Variants in DYNC1I2 observed in about 807,000 individuals in gnomAD.
DYNC1I2 encodes cytoplasmic dynein 1 intermediate chain 2.
Under a neutral mutation model 88.6 loss-of-function variants are expected in DYNC1I2, and 53 were observed. The observed-to-expected ratio is 0.60, with a 90% CI of 0.48 to 0.75. DYNC1I2 has a LOEUF of 0.75. Ranked by LOEUF, DYNC1I2 falls within the 30% of genes least tolerant of loss-of-function variation. DYNC1I2 has a pLI of 0.00. For missense variants in DYNC1I2, 458 were observed against 766.6 expected, an observed-to-expected ratio of 0.60 and a Z score of 4.75; for synonymous variants, 198 against 254.6, an observed-to-expected ratio of 0.78 and a Z score of 2.12.
chr2:171,726,775 T>C lies in DYNC1I2; in HGVS notation c.871-16T>C, dbSNP rs766928194. On this transcript the variant is annotated splice_polypyrimidine_tract_variant and intron_variant, in intron 10 of 17. Coordinates refer to ENST00000397119, the MANE Select transcript of DYNC1I2 (RefSeq NM_001378.3). The stretch of plus-strand genomic sequence containing the variant: ...TTATGCATAGCATTTCTTTTCTTCT[T>C]GATTCTTCTGAGCAGTATCCGGAGT... The C allele has an allele frequency of 1.2e-6, 2 of 1,610,784 alleles. No homozygotes were observed. The highest frequency in any genetic ancestry group is 1.1e-5 in the South Asian group (1 of 90,506).
At chr2:171,709,858 C>T (rs1016676783) in intron 5 of DYNC1I2, among the ~76,000 whole-genome samples, 2 of 152,100 alleles carry the variant, frequency 1.3e-5, no homozygotes, top group Admixed American at 6.5e-5. Context: ...ACTGGGATTA[C>T]AAGCATGCAC....
At chr2:171,720,932 A>G (rs1687856617) in intron 7 of DYNC1I2, among the ~76,000 whole-genome samples, 1 of 152,038 alleles carries the variant, frequency 6.6e-6, no homozygotes, top group Admixed American at 6.6e-5. Context: ...TGATGAAATC[A>G]CAGATAACAA....
chr2:171,706,916 TA>T (rs1397879419), intron 4 of DYNC1I2: 88 of 409,416 alleles, frequency 2.1e-4, no homozygotes, highest in East Asian at 2.3e-4. Flanking sequence ...ATAATATTTA[TA>T]ATCTGGTGAT....
At chr2:171,740,558 T>C (rs1298255641) in intron 15 of DYNC1I2, among the ~76,000 whole-genome samples, 7 of 152,186 alleles carry the variant, frequency 4.6e-5, no homozygotes, top group Non-Finnish European at 1.0e-4. Flanking sequence ...CCCTTTTCTT[T>C]AGAGGGTCAG....
At position 171,696,513 on chromosome 2, in the gene DYNC1I2, T is replaced by C. The variant is rs182271576; in HGVS notation, c.226+3619T>C. ...TGGTCTTTTTTAAAAAGAAATTGTTTCCTACATTGTGGATGCAAATATATT... is the reference window on the plus strand; with the variant it reads ...TGGTCTTTTTTAAAAAGAAATTGTTCCCTACATTGTGGATGCAAATATATT... On this transcript the variant is annotated intron_variant, in intron 3 of 17. Transcript: ENST00000397119. Among the ~76,000 whole-genome samples, 356 of 152,320 alleles carry C rather than the reference T, an allele frequency of 2.3e-3. 3 individuals carry two copies. Among genetic ancestry groups the C allele is most frequent in the Admixed American group, 7.7e-3 (118 of 15,298 alleles).
At chr2:171,700,148 GT>G (rs1178610605) in intron 3 of DYNC1I2, among the ~76,000 whole-genome samples, 1 of 152,098 alleles carries the variant, frequency 6.6e-6, no homozygotes, top group Non-Finnish European at 1.5e-5. Context: ...TTTCATGGTG[GT>G]TCGTTCACAT....
intron 15 of DYNC1I2, among the ~76,000 whole-genome samples, chr2:171,733,768 G>T (rs13429562): frequency 1.2e-3 from 93 of 77,430 alleles, no homozygotes; most frequent in African/African-American, 2.4e-3. Flanking sequence ...GGGTTTTTTT[G>T]TTTTTGTTTT....
At position 171,747,997 on chromosome 2, in the gene DYNC1I2, G is replaced by A. The variant is rs371723195; in HGVS notation, c.*108G>A. Reference sequence around the variant, plus strand: ...ATGATAATTAAAAGGAAATTTCATGGATTAAACCATGGGTTTAATGCAGCA... The same window carrying A: ...ATGATAATTAAAAGGAAATTTCATGAATTAAACCATGGGTTTAATGCAGCA... On this transcript the variant is annotated 3_prime_UTR_variant, in exon 18 of 18. Transcript: ENST00000397119. 1.1e-5 allele frequency: 8 copies of A among 727,886 alleles called. No homozygotes were observed. The highest frequency in any genetic ancestry group is 4.9e-5 in the South Asian group (2 of 40,790). 45.1% of individuals were successfully genotyped at this position (727,886 alleles called of 1,614,324 possible).
At chr2:171,694,378 C>T (rs57214996) in intron 3 of DYNC1I2, among the ~76,000 whole-genome samples, 17 of 152,228 alleles carry the variant, frequency 1.1e-4, no homozygotes, top group African/African-American at 4.1e-4. Context: ...AAAGAGGTGG[C>T]TGGGTGGGGT....
At chr2:171,738,773 C>A (rs1010285026) in intron 15 of DYNC1I2, among the ~76,000 whole-genome samples, 4 of 152,172 alleles carry the variant, frequency 2.6e-5, no homozygotes, top group Non-Finnish European at 2.9e-5. Flanking sequence ...AGCAGAGATA[C>A]CGATGAAGTG....
Position 171,701,657 on chromosome 2 carries a change from A to C in DYNC1I2, c.227-4890A>C, listed in dbSNP as rs192461194. ...TTTTAAAATAAAAATGTCCCTAGTG[A>C]ACATGATTGGCTATAGAAAGGTTTT... On this transcript the variant is annotated intron_variant, in intron 3 of 17. Coordinates refer to ENST00000397119, the MANE Select transcript of DYNC1I2 (RefSeq NM_001378.3). 1.3e-3 allele frequency among the ~76,000 whole-genome samples: 199 copies of C among 152,324 alleles called. 3 individuals are homozygous for C. The highest frequency in any genetic ancestry group is 4.5e-3 in the African/African-American group (189 of 41,582).
At chr2:171,728,645 G>T in intron 13 of DYNC1I2, 72 bp from the exon 14 acceptor site, 1 of 1,294,654 alleles carries the variant, frequency 7.7e-7, no homozygotes, top group Non-Finnish European at 1.0e-6. Flanking sequence ...TACAATCAAA[G>T]ACTAGAAGTT....
At chr2:171,724,770 T>C (rs1443748904) in intron 7 of DYNC1I2, among the ~76,000 whole-genome samples, 1 of 152,240 alleles carries the variant, frequency 6.6e-6, no homozygotes, top group Non-Finnish European at 1.5e-5. Flanking sequence ...ATAAACATTT[T>C]CTTCATAAAA....
In DYNC1I2 at chr2:171,715,672, T is replaced by C. The variant is rs556764886; in HGVS notation, c.511+229T>C. On this transcript the variant is annotated intron_variant, in intron 7 of 17. Coordinates refer to ENST00000397119, the MANE Select transcript of DYNC1I2 (RefSeq NM_001378.3). ...TAACGTTGTAAGCTGTATGTGTGGT[T>C]TCTTAATTTTGTTGACATAAATTTA... Among the ~76,000 whole-genome samples, 3 of 152,270 alleles carry C rather than the reference T, an allele frequency of 2.0e-5. No individual in the cohort carries two copies. The South Asian group carries it at 6.2e-4, about 32-fold the overall frequency.
intron 7 of DYNC1I2, among the ~76,000 whole-genome samples, chr2:171,719,702 A>G (rs936283077): frequency 1.2e-4 from 19 of 152,184 alleles, no homozygotes; most frequent in African/African-American, 3.6e-4. Flanking sequence ...GGCCAAGCCT[A>G]TTCCTTTAAA....
chr2:171,706,673 C>A, intron 4 of DYNC1I2, 109 bp downstream of exon 4: 2 of 986,596 alleles, frequency 2.0e-6, no homozygotes, highest in Non-Finnish European at 3.1e-6. Context: ...ATTTTTCACC[C>A]AAATTGCTGG....
chr2:171,701,703 T>C (rs12464262), intron 3 of DYNC1I2, among the ~76,000 whole-genome samples: 24,316 of 152,148 alleles, frequency 0.16, 2,540 homozygotes, highest in African/African-American at 0.28. Context: ...TTATATATGA[T>C]TTAAACTTTG....
rs144273879 is a variant in DYNC1I2, at chr2:171,726,378, G to T, written c.870+85G>T. The T allele has an allele frequency of 1.1e-3, 1,005 of 932,990 alleles. 15 individuals carry two copies. The East Asian group carries it at 0.019, about 17-fold the overall frequency. The allele number at this position is 932,990 out of a possible 1,614,324, so 57.8% of individuals were successfully genotyped here. On this transcript the variant is annotated intron_variant, in intron 10 of 17. Coordinates refer to ENST00000397119, the MANE Select transcript of DYNC1I2 (RefSeq NM_001378.3). ...ATTTTATTTTAATTATGGGAATTTT[G>T]TATAATAAATCAATATGTGTTATTT...
At chr2:171,747,709 CTG>C (rs1689897520) in intron 17 of DYNC1I2, 65 bp from the exon 18 acceptor site, 1 of 1,111,448 alleles carries the variant, frequency 9.0e-7, no homozygotes, top group Non-Finnish European at 1.3e-6. Context: ...TGAAAACAAA[CTG>C]AATAATAGTG....
Sources: gnomAD v4.1 joint callset for allele counts (sites outside exome capture counted in the v4.1 genomes callset) on GRCh38, gnomAD v4.1.1 for gene constraint, MANE v1.5 for transcripts, NCBI Gene and HGNC (gene_info 2026-07-23, HGNC 2026-07-21) for gene names.